The following LUZP2 variants were observed in gnomAD, a reference collection of about 807,000 sequenced individuals.
LUZP2 encodes leucine zipper protein 2.
A neutral mutation model predicts 51.6 loss-of-function variants in LUZP2; 52 were observed. That is an observed-to-expected ratio of 1.01 (90% CI 0.81 to 1.27). The LOEUF is 1.27. LUZP2 is among the 50% of genes most tolerant of loss of function. LUZP2 has a pLI of 0.00. For missense variants in LUZP2, 436 were observed against 395.4 expected, an observed-to-expected ratio of 1.10 and a Z score of -0.87; for synonymous variants, 154 against 137.3, an observed-to-expected ratio of 1.12 and a Z score of -0.85.
At chr11:24,593,621 A>T (rs1025556154) in intron 1 of LUZP2, among the ~76,000 whole-genome samples, 6 of 152,196 alleles carry the variant, frequency 3.9e-5, no homozygotes, top group African/African-American at 1.4e-4. Context: ...TTTGGGACAC[A>T]GTTTGCTGTT....
intron 7 of LUZP2, among the ~76,000 whole-genome samples, chr11:24,918,259 T>C (rs1002461610): frequency 6.6e-6 from 1 of 152,136 alleles, no homozygotes; most frequent in Non-Finnish European, 1.5e-5. Flanking sequence ...GTTTTCTAGA[T>C]ATACAATCAT....
chr11:24,843,084 TAAAAA>T (rs1451965515), intron 5 of LUZP2, among the ~76,000 whole-genome samples: 12 of 151,764 alleles, frequency 7.9e-5, no homozygotes, highest in Non-Finnish European at 1.3e-4. Flanking sequence ...ATATTTAAAA[TAAAAA>T]ACAAGAGAAT....
At chr11:24,604,639 C>G (rs906438129) in intron 1 of LUZP2, among the ~76,000 whole-genome samples, 7 of 151,790 alleles carry the variant, frequency 4.6e-5, no homozygotes, top group Admixed American at 1.3e-4. Context: ...CCAATTTTAG[C>G]TCTGTCATTT....
chr11:24,652,718 T>G (rs1855666132), intron 1 of LUZP2, among the ~76,000 whole-genome samples: 2 of 152,202 alleles, frequency 1.3e-5, no homozygotes, highest in African/African-American at 2.4e-5. Flanking sequence ...GAAAAATAAT[T>G]CAGATGTCAA....
At chr11:24,826,155 G>A (rs28649404) in intron 5 of LUZP2, among the ~76,000 whole-genome samples, 5,102 of 120,226 alleles carry the variant, frequency 0.042, 203 homozygotes, top group East Asian at 0.13. Context: ...CAGCCTAGGC[G>A]ACAGAGCGAG....
intron 7 of LUZP2, among the ~76,000 whole-genome samples, chr11:24,973,058 GT>G (rs71044327): frequency 6.6e-5 from 9 of 135,546 alleles, no homozygotes; most frequent in East Asian, 2.1e-4. Context: ...CTGGTCCTGG[GT>G]TTTTTTTTTT....
intron 6 of LUZP2, among the ~76,000 whole-genome samples, chr11:24,909,149 A>AATAT: frequency 6.7e-6 from 1 of 150,310 alleles, no homozygotes; most frequent in East Asian, 1.9e-4. Context: ...ATTTTTTAAA[A>AATAT]ATATATATAT....
intron 1 of LUZP2, among the ~76,000 whole-genome samples, chr11:24,612,947 T>C (rs1191586712): frequency 6.6e-6 from 1 of 152,094 alleles, no homozygotes; most frequent in East Asian, 1.9e-4. Flanking sequence ...TAGGGAACCC[T>C]AGTGGTACTA....
At chr11:24,779,268 AAGC>A (rs1405918591) in intron 5 of LUZP2, among the ~76,000 whole-genome samples, 3 of 152,212 alleles carry the variant, frequency 2.0e-5, no homozygotes, top group African/African-American at 7.2e-5. Context: ...GCAATCACTT[AAGC>A]AGTTATCAAC....
intron 5 of LUZP2, among the ~76,000 whole-genome samples, chr11:24,845,315 T>C (rs1453520401): frequency 6.6e-6 from 1 of 152,202 alleles, no homozygotes; most frequent in Non-Finnish European, 1.5e-5. Flanking sequence ...GCATGAGACT[T>C]ATATAGCCTC....
chr11:24,648,235 T>C (rs1855521079), intron 1 of LUZP2, among the ~76,000 whole-genome samples: 1 of 151,922 alleles, frequency 6.6e-6, no homozygotes, highest in Non-Finnish European at 1.5e-5. Context: ...GGCACATCTA[T>C]TCATGTAGGT....
At chr11:24,593,656 T>G (rs1317291693) in intron 1 of LUZP2, among the ~76,000 whole-genome samples, 1 of 152,208 alleles carries the variant, frequency 6.6e-6, no homozygotes, top group Non-Finnish European at 1.5e-5. Flanking sequence ...AGCTTAGGCT[T>G]CCCACAGCTT....
intron 1 of LUZP2, among the ~76,000 whole-genome samples, chr11:24,700,666 C>T (rs1489468811): frequency 6.6e-6 from 1 of 151,536 alleles, no homozygotes; most frequent in Non-Finnish European, 1.5e-5. Flanking sequence ...TTTTGTGAAG[C>T]TGAATGGAGC....
At chr11:24,608,717 C>A (rs560437652) in intron 1 of LUZP2, among the ~76,000 whole-genome samples, 2 of 152,062 alleles carry the variant, frequency 1.3e-5, no homozygotes, top group African/African-American at 4.8e-5. Context: ...TTTTGTGAAC[C>A]TTGTTCAACA....
intron 1 of LUZP2, among the ~76,000 whole-genome samples, chr11:24,682,760 C>T (rs1189554251): frequency 2.6e-5 from 4 of 151,986 alleles, no homozygotes; most frequent in Admixed American, 6.5e-5. Context: ...AATCCCAGCA[C>T]GTTGGGAGGC....
At chr11:24,718,346 G>A (rs559595829) in intron 1 of LUZP2, among the ~76,000 whole-genome samples, 2 of 152,178 alleles carry the variant, frequency 1.3e-5, no homozygotes, top group Non-Finnish European at 2.9e-5. Context: ...CAAAAAGCTC[G>A]ACCACTCTGG....
At chr11:24,638,301 T>A (rs1319735157) in intron 1 of LUZP2, among the ~76,000 whole-genome samples, 2 of 151,792 alleles carry the variant, frequency 1.3e-5, no homozygotes, top group African/African-American at 2.4e-5. Flanking sequence ...CTACAAAAAA[T>A]TAATTTCCCC....
chr11:24,587,355 A>T (rs914698538), intron 1 of LUZP2, among the ~76,000 whole-genome samples: 2 of 152,146 alleles, frequency 1.3e-5, no homozygotes, highest in African/African-American at 4.8e-5. Context: ...AGAATTCCCT[A>T]TCTGGAATTA....
chr11:24,566,337 T>TAG (rs1349344945), intron 1 of LUZP2, among the ~76,000 whole-genome samples: 1 of 142,556 alleles, frequency 7.0e-6, no homozygotes, highest in Non-Finnish European at 1.5e-5. Context: ...TTTTTTTTTT[T>TAG]TTTTTTTTTT....
Sources: gnomAD v4.1 joint callset for allele counts (sites outside exome capture counted in the v4.1 genomes callset) on GRCh38, gnomAD v4.1.1 for gene constraint, MANE v1.5 for transcripts, NCBI Gene and HGNC (gene_info 2026-07-23, HGNC 2026-07-21) for gene names.